Variants in MAPKAP1 observed in about 807,000 individuals in gnomAD.
MAPKAP1 encodes the protein target of rapamycin complex 2 subunit MAPKAP1.
A neutral mutation model predicts 65.7 loss-of-function variants in MAPKAP1; 20 were observed. That is an observed-to-expected ratio of 0.30 (90% CI 0.21 to 0.44). MAPKAP1 has a LOEUF of 0.44. Ranked by LOEUF, MAPKAP1 falls within the 20% of genes least tolerant of loss-of-function variation. The probability of loss-of-function intolerance (pLI) is 1.00; values close to 1 mark genes in which losing one functional copy is unlikely to be tolerated. For synonymous variants in MAPKAP1, 222 were observed against 244.3 expected, an observed-to-expected ratio of 0.91 and a Z score of 0.85; for missense variants, 423 against 648.0, an observed-to-expected ratio of 0.65 and a Z score of 3.77.
chr9:125,586,547 G>A (rs1045385853), intron 4 of MAPKAP1, among the ~76,000 whole-genome samples: 4 of 151,846 alleles, frequency 2.6e-5, no homozygotes, highest in Non-Finnish European at 5.9e-5. Context: ...CTCAAGGCAT[G>A]CAAGAGTAGG....
chr9:125,609,689 T>A (rs950836499), intron 4 of MAPKAP1, among the ~76,000 whole-genome samples: 1 of 152,156 alleles, frequency 6.6e-6, no homozygotes, highest in Non-Finnish European at 1.5e-5. Context: ...CCTGAGTGCC[T>A]TTCTCGTTTT....
chr9:125,451,690 C>T (rs958263749), intron 10 of MAPKAP1, among the ~76,000 whole-genome samples: 4 of 152,124 alleles, frequency 2.6e-5, no homozygotes, highest in Admixed American at 6.6e-5. Context: ...GTTTATCTTC[C>T]GTCCCTCTCT....
chr9:125,443,380 C>T (rs542169979), intron 11 of MAPKAP1, among the ~76,000 whole-genome samples: 1 of 152,220 alleles, frequency 6.6e-6, no homozygotes, highest in East Asian at 1.9e-4. Context: ...GTGGGGGAGC[C>T]CTCTCTGGTC....
At chr9:125,586,885 T>G (rs1302286976) in intron 4 of MAPKAP1, among the ~76,000 whole-genome samples, 1 of 152,212 alleles carries the variant, frequency 6.6e-6, no homozygotes, top group African/African-American at 2.4e-5. Context: ...TAATAATATG[T>G]GCTGCCACCA....
At chr9:125,625,273 A>AT (rs1564589726) in intron 4 of MAPKAP1, among the ~76,000 whole-genome samples, 119 of 148,724 alleles carry the variant, frequency 8.0e-4, no homozygotes, top group African/African-American at 2.6e-3. Context: ...AAAAAAAAAA[A>AT]AAAAAAACAA....
At chr9:125,587,856 G>A (rs1406497012) in intron 4 of MAPKAP1, among the ~76,000 whole-genome samples, 1 of 152,032 alleles carries the variant, frequency 6.6e-6, no homozygotes, top group Non-Finnish European at 1.5e-5. Flanking sequence ...TTACTCACTA[G>A]GGTGGCTATA....
At chr9:125,451,773 A>G (rs1231044867) in intron 10 of MAPKAP1, among the ~76,000 whole-genome samples, 1 of 144,246 alleles carries the variant, frequency 6.9e-6, no homozygotes, top group Non-Finnish European at 1.5e-5. Flanking sequence ...TCTTTTGATC[A>G]TGTCTTCTGC....
intron 10 of MAPKAP1, among the ~76,000 whole-genome samples, chr9:125,459,234 GCTC>G (rs1020078833): frequency 1.3e-5 from 2 of 151,124 alleles, no homozygotes; most frequent in South Asian, 2.1e-4. Context: ...GGGCAGAGAG[GCTC>G]CTCACTTCCT....
chr9:125,608,644 G>A (rs959666291), intron 4 of MAPKAP1, among the ~76,000 whole-genome samples: 3 of 152,206 alleles, frequency 2.0e-5, no homozygotes, highest in African/African-American at 4.8e-5. Flanking sequence ...AGCATCTGGA[G>A]TGTTTTGTCT....
At chr9:125,617,838 G>A (rs777250576) in intron 4 of MAPKAP1, among the ~76,000 whole-genome samples, 1 of 152,158 alleles carries the variant, frequency 6.6e-6, no homozygotes, top group Non-Finnish European at 1.5e-5. Context: ...AGGAGGACAC[G>A]GAGGGGACTT....
At chr9:125,547,515 A>C (rs1454641444) in intron 6 of MAPKAP1, among the ~76,000 whole-genome samples, 1 of 152,160 alleles carries the variant, frequency 6.6e-6, no homozygotes, top group Non-Finnish European at 1.5e-5. Context: ...AATGCCAAGC[A>C]CCTCACACTA....
intron 4 of MAPKAP1, among the ~76,000 whole-genome samples, chr9:125,639,224 C>T (rs1368678032): frequency 6.6e-6 from 1 of 152,048 alleles, no homozygotes; most frequent in South Asian, 2.1e-4. Flanking sequence ...CTGGGCAACA[C>T]AGAGAGACTC....
chr9:125,519,170 G>C (rs1023212685), intron 7 of MAPKAP1, among the ~76,000 whole-genome samples: 2 of 152,236 alleles, frequency 1.3e-5, no homozygotes, highest in African/African-American at 4.8e-5. Context: ...GCTCTGGAGA[G>C]AGACCTAAAC....
chr9:125,593,921 C>G (rs1440113034), intron 4 of MAPKAP1, among the ~76,000 whole-genome samples: 1 of 152,176 alleles, frequency 6.6e-6, no homozygotes, highest in Non-Finnish European at 1.5e-5. Flanking sequence ...TTTAACATAT[C>G]CAACACCAAT....
intron 11 of MAPKAP1, 132 bp downstream of exon 11, chr9:125,444,369 C>T (rs1337276130): frequency 1.5e-6 from 1 of 682,250 alleles, no homozygotes; most frequent in Non-Finnish European, 2.5e-6. Flanking sequence ...TGCGACACTC[C>T]TCCTCTGCCA....
Position 125,707,204 on chromosome 9 carries a change from A to C in MAPKAP1, c.-303T>G. 2.5e-6 allele frequency: 1 copy of C among 397,888 alleles called. No homozygotes were observed. 24.6% of individuals were successfully genotyped at this position (397,888 alleles called of 1,614,324 possible). On this transcript the variant is annotated 5_prime_UTR_variant, in exon 1 of 12. Transcript: ENST00000265960. ...GCAGCCCTATTACCCCGAGCCGCAC[A>C]CGACCCGGAACCACACCCCGGCGTT...
chr9:125,540,937 A>C (rs374822452), intron 7 of MAPKAP1, among the ~76,000 whole-genome samples: 205 of 152,288 alleles, frequency 1.3e-3, no homozygotes, highest in Middle Eastern at 0.01. Flanking sequence ...TACCAACCTA[A>C]CCTTAAACAA....
intron 4 of MAPKAP1, among the ~76,000 whole-genome samples, chr9:125,656,580 G>A (rs768956282): frequency 1.3e-5 from 2 of 151,676 alleles, no homozygotes; most frequent in Non-Finnish European, 2.9e-5. Context: ...AAAGTCTTTC[G>A]AAGAGAAAAC....
chr9:125,587,799 A>G (rs1017462187), intron 4 of MAPKAP1, among the ~76,000 whole-genome samples: 3 of 152,206 alleles, frequency 2.0e-5, no homozygotes, highest in Non-Finnish European at 4.4e-5. Context: ...TGACCAATAA[A>G]CACATGAAAA....
Sources: gnomAD v4.1 joint callset for allele counts (sites outside exome capture counted in the v4.1 genomes callset) on GRCh38, gnomAD v4.1.1 for gene constraint, MANE v1.5 for transcripts, NCBI Gene and HGNC (gene_info 2026-07-23, HGNC 2026-07-21) for gene names.